The following AFF1 variants were observed in gnomAD, a reference collection of about 807,000 sequenced individuals.
AFF1 encodes ALF transcription elongation factor 1, also known as AF4/FMR2 family member 1.
A neutral mutation model predicts 121.7 loss-of-function variants in AFF1; 48 were observed. The ratio of observed to expected loss-of-function variants is 0.39; its 90% CI spans 0.31 to 0.50. The LOEUF is 0.50. Among genes scored for constraint, AFF1 ranks in the 20% least tolerant of loss-of-function variants. AFF1 has a pLI of 0.76. For synonymous variants in AFF1, 613 were observed against 563.0 expected (o/e 1.09, Z -1.26); for missense variants, 1,523 against 1,511.7 (o/e 1.01, Z -0.12).
chr4:87,105,675 G>A lies in AFF1; in HGVS notation c.1331G>A (p.Ser444Asn). 1 of 1,614,210 alleles carries A rather than the reference G, an allele frequency of 6.2e-7. No homozygotes were observed. Among genetic ancestry groups the A allele is most frequent in the Non-Finnish European group, 8.5e-7 (1 of 1,180,032 alleles). The part of the protein sequence containing the change: ...LQLSDSEDSD[S>N]EQTPEKPPSS... ...CTCAGTGACAGTGAGGACAGTGACA[G>A]TGAACAAGTAAGTGTTGCACAGCCT... The change falls in exon 9 of 21, where the codon AGT (serine) becomes AAT (asparagine). Residue 444 changes from serine to asparagine, a missense_variant. Transcript: ENST00000395146.
rs1729331052 is a variant in AFF1 at position 87,136,728 on chromosome 4, G to GT, written c.*1030dup. 4.4e-6 allele frequency: 1 copy of GT among 228,466 alleles called. No homozygotes were observed. The highest frequency in any genetic ancestry group is 5.7e-5 in the Admixed American group (1 of 17,628). 14.2% of individuals were successfully genotyped at this position (228,466 alleles called of 1,614,324 possible). ...ACTCATGTTGTCCAGCCAACTCAGA[G>GT]TTTCGTCAGTGAACAAGAAACATGA... On this transcript the variant is annotated 3_prime_UTR_variant, in exon 21 of 21. Transcript: ENST00000395146.
intron 2 of AFF1, chr4:87,007,238 T>C: frequency 6.8e-7 from 1 of 1,480,314 alleles, no homozygotes; most frequent in South Asian, 1.4e-5. Context: ...AGCCCGGGGC[T>C]GCGCCGAGGA....
intron 2 of AFF1, among the ~76,000 whole-genome samples, chr4:86,984,948 T>C (rs1353269025): frequency 4.0e-5 from 6 of 151,408 alleles, no homozygotes; most frequent in Admixed American, 3.3e-4. Flanking sequence ...AAGACAAATC[T>C]TAAAGTGTTC....
At chr4:86,935,776 G>C (rs1719932796) in intron 1 of AFF1, 1 of 151,030 alleles carries the variant, frequency 6.6e-6, no homozygotes, top group African/African-American at 2.5e-5. Context: ...GTAGCCTCCG[G>C]GGAGGAGTTG....
At chr4:87,063,279 G>T (rs1720985857) in intron 4 of AFF1, among the ~76,000 whole-genome samples, 1 of 61,428 alleles carries the variant, frequency 1.6e-5, no homozygotes, top group Non-Finnish European at 3.1e-5. Context: ...TGCTCTTGTT[G>T]CCCAGGCTGG....
At chr4:86,947,482 G>C (rs528642288) in intron 1 of AFF1, among the ~76,000 whole-genome samples, 2 of 152,296 alleles carry the variant, frequency 1.3e-5, no homozygotes, top group South Asian at 4.1e-4. Flanking sequence ...AAGTTAAAAT[G>C]ATTACAAATT....
chr4:87,110,740 A>T (rs1468747345), intron 11 of AFF1, among the ~76,000 whole-genome samples: 1 of 152,104 alleles, frequency 6.6e-6, no homozygotes, highest in Admixed American at 6.5e-5. Context: ...TTAATTCAAA[A>T]TCATAATTCA....
chr4:87,058,595 C>T (rs150041825), intron 4 of AFF1, among the ~76,000 whole-genome samples: 4 of 152,144 alleles, frequency 2.6e-5, no homozygotes, highest in Non-Finnish European at 5.9e-5. Flanking sequence ...TCAACTCCCC[C>T]ACTCTCAACC....
intron 2 of AFF1, among the ~76,000 whole-genome samples, chr4:86,953,993 G>A (rs1721568059): frequency 6.6e-6 from 1 of 152,126 alleles, no homozygotes; most frequent in African/African-American, 2.4e-5. Flanking sequence ...TTACAGGCGT[G>A]AGCCACCGTG....
At chr4:87,015,913 G>T (rs1002754123) in intron 2 of AFF1, among the ~76,000 whole-genome samples, 1 of 152,228 alleles carries the variant, frequency 6.6e-6, no homozygotes, top group Non-Finnish European at 1.5e-5. Flanking sequence ...GGGCGTGGTC[G>T]CTCATGCCTG....
At chr4:87,066,429 T>C (rs1282735399) in intron 4 of AFF1, among the ~76,000 whole-genome samples, 1 of 152,014 alleles carries the variant, frequency 6.6e-6, no homozygotes, top group Admixed American at 6.5e-5. Context: ...CTATAAATAT[T>C]TAACAATTAG....
chr4:87,102,396 CTT>C (rs1181930657), intron 8 of AFF1, among the ~76,000 whole-genome samples: 1 of 149,980 alleles, frequency 6.7e-6, no homozygotes, highest in African/African-American at 2.4e-5. Context: ...AAGTCTCTCT[CTT>C]GGTGGGTTCT....
chr4:87,064,029 A>G (rs1053468473), intron 4 of AFF1, among the ~76,000 whole-genome samples: 1 of 152,240 alleles, frequency 6.6e-6, no homozygotes, highest in Non-Finnish European at 1.5e-5. Flanking sequence ...TTTCAATAAG[A>G]GACTTGAATA....
chr4:86,967,639 T>A (rs1463164152), intron 2 of AFF1, among the ~76,000 whole-genome samples: 1 of 151,776 alleles, frequency 6.6e-6, no homozygotes, highest in Middle Eastern at 3.4e-3. Flanking sequence ...GGGCTCTGGA[T>A]GATTTTTTTT....
At chr4:86,972,195 A>C (rs1191478549) in intron 2 of AFF1, among the ~76,000 whole-genome samples, 6 of 150,748 alleles carry the variant, frequency 4.0e-5, no homozygotes, top group Non-Finnish European at 8.9e-5. Flanking sequence ...TTTTATGCTT[A>C]AGGGAGAGCC....
chr4:87,123,933 G>A (rs1249856716), intron 12 of AFF1, among the ~76,000 whole-genome samples: 5 of 152,192 alleles, frequency 3.3e-5, no homozygotes, highest in Non-Finnish European at 7.3e-5. Flanking sequence ...CTGACACTTA[G>A]GAAGTTTCGT....
chr4:86,953,705 G>A (rs1250883568), intron 2 of AFF1, among the ~76,000 whole-genome samples: 1 of 151,854 alleles, frequency 6.6e-6, no homozygotes, highest in Non-Finnish European at 1.5e-5. Context: ...GTACAGTTTA[G>A]TGCATTTTCT....
At chr4:87,028,260 C>G (rs1728726391) in intron 2 of AFF1, among the ~76,000 whole-genome samples, 1 of 151,710 alleles carries the variant, frequency 6.6e-6, no homozygotes, top group Non-Finnish European at 1.5e-5. Flanking sequence ...GTATACTGTC[C>G]CGTAAATAGC....
At chr4:86,989,041 A>G (rs1200998022) in intron 2 of AFF1, among the ~76,000 whole-genome samples, 3 of 152,212 alleles carry the variant, frequency 2.0e-5, no homozygotes, top group Non-Finnish European at 4.4e-5. Flanking sequence ...TTAACTCAAG[A>G]TGGATTAAAG....
Sources: allele counts gnomAD v4.1 joint callset (sites outside exome capture counted in the v4.1 genomes callset), GRCh38; gene constraint gnomAD v4.1.1; transcripts MANE v1.5; gene names NCBI Gene and HGNC (gene_info 2026-07-23, HGNC 2026-07-21).